The following LHB variants were observed in gnomAD, a reference collection of about 807,000 sequenced individuals.
LHB encodes luteinizing hormone subunit beta, also known as lutropin subunit beta.
LHB carries 11 observed loss-of-function variants against 10.6 expected under a neutral mutation model. That is an observed-to-expected ratio of 1.04 (90% CI 0.66 to 1.72). LHB has a LOEUF of 1.72. Ranked by LOEUF, LHB falls within the 40% of genes most tolerant of loss-of-function variation. The pLI, the probability that LHB is intolerant of heterozygous loss-of-function variation, is 0.00. For missense variants in LHB, 184 were observed against 197.3 expected, an observed-to-expected ratio of 0.93 and a Z score of 0.41; for synonymous variants, 86 against 83.1, an observed-to-expected ratio of 1.03 and a Z score of -0.19.
upstream of LHB, chr19:49,017,578 T>A (rs959982912): frequency 3.3e-5 from 36 of 1,090,048 alleles, 1 homozygote; most frequent in Admixed American, 1.3e-3. Context: ...GGGAAGCCAC[T>A]TGACCCAGAT....
chr19:49,016,693 G>GCAGCAGCAA lies in LHB; in HGVS notation c.28_36dup (p.Leu11_Leu13dup). The stretch of plus-strand genomic sequence containing the variant: ...GATGCCCATGCCCCGCCCATGCTCA[G>GCAGCAGCAA]CAGCAGCAACAGCAGCAGCCCCTGG... On this transcript the variant is annotated inframe_insertion, in exon 2 of 3. Coordinates refer to ENST00000649238, the MANE Select transcript of LHB (RefSeq NM_000894.3). 1 of 1,611,618 alleles carries GCAGCAGCAA rather than the reference G, an allele frequency of 6.2e-7. No homozygotes were observed. The highest frequency in any genetic ancestry group is 2.2e-5 in the East Asian group (1 of 44,888).
Position 49,015,986 on chromosome 19 carries a change from T to C in LHB, c.*82A>G, listed in dbSNP as rs757275035. ...CAGAAAGACACCTCCAGAGTGCGGA[T>C]TGAGAAGCCTTTATTGTGGGAGGAT... On this transcript the variant is annotated 3_prime_UTR_variant, in exon 3 of 3. Transcript: ENST00000649238. 4 of 1,614,190 alleles carry C rather than the reference T, an allele frequency of 2.5e-6. No homozygotes were observed. The highest frequency in any genetic ancestry group is 2.2e-5 in the South Asian group (2 of 91,092).
In LHB at chr19:49,016,114, G is replaced by T. The variant is rs2039546039; in HGVS notation, c.380C>A (p.Pro127His). ...GAGTTGGGGGTGGTCACAGGTCAAGGGGTGGTCTTTGGGACCCCCACAGTC... is the reference window on the plus strand; with the variant it reads ...GAGTTGGGGGTGGTCACAGGTCAAGTGGTGGTCTTTGGGACCCCCACAGTC... ...TSDCGGPKDHPLTCDHPQLSG... is the reference protein window; with the variant it reads ...TSDCGGPKDHHLTCDHPQLSG... The change falls in exon 3 of 3, where the codon CCC (proline) becomes CAC (histidine). Residue 127 changes from proline (P) to histidine (H), a missense_variant. Physicochemically the swap from Pro to His is moderately conservative, Grantham distance 77 (BLOSUM62 -2). Coordinates refer to ENST00000649238, the MANE Select transcript of LHB (RefSeq NM_000894.3). The T allele has an allele frequency of 2.5e-6, 4 of 1,612,900 alleles. No individual in the cohort carries two copies. The highest frequency in any genetic ancestry group is 1.3e-5 in the African/African-American group (1 of 74,888).
Position 49,016,176 on chromosome 19 carries a change from G to A in LHB, c.318C>T (p.Leu106=), listed in dbSNP as rs770539036. 4 of 1,612,678 alleles carry A rather than the reference G, an allele frequency of 2.5e-6. No individual in the cohort carries two copies. The South Asian group carries it at 4.4e-5, about 18-fold the overall frequency. ...GGCGGCAGGGTCCACAGCGACAGCT[G>A]AGAGCCACAGGGAAGGAGACCACGG... ...VDPVVSFPVA[L]SCRCGPCRRS... is the part of the protein sequence containing the mutation. The change falls in exon 3 of 3, where the codon CTC becomes CTT. Residue 106 remains leucine, a synonymous_variant. Transcript: ENST00000649238.
intron 2 of LHB, 95 bp downstream of exon 2, chr19:49,016,452 G>C (rs1485188936): frequency 3.7e-6 from 6 of 1,601,722 alleles, no homozygotes; most frequent in East Asian, 2.2e-5. Context: ...TTCCCCAACC[G>C]CAGGCCAGAG....
chr19:49,017,249 C>G (rs2122678313), upstream of LHB, among the ~76,000 whole-genome samples: 1 of 152,254 alleles, frequency 6.6e-6, no homozygotes, highest in East Asian at 1.9e-4. Context: ...GCAGAGCGCC[C>G]CAGCCCTCTC....
chr19:49,019,464 T>C (rs1313647747), upstream of LHB: 48 of 1,250,276 alleles, frequency 3.8e-5, no homozygotes, highest in Admixed American at 7.8e-5. Flanking sequence ...GCCCTGAAGG[T>C]GAGTTTGTAG....
Position 49,016,278 on chromosome 19 carries a change from CAG to C in LHB, c.214_215del (p.Leu72AlafsTer9), listed in dbSNP as rs781151205. Reference sequence around the variant, plus strand: ...CACGGTAGGTGCACACCACCTGAGGCAGGGGCGGCAGGACCGCCTGCAGCACG... The same window carrying C: ...CACGGTAGGTGCACACCACCTGAGGCGGGCGGCAGGACCGCCTGCAGCACG... ...MRVLQAVLPP[L>X]PQVVCTYRDV... On this transcript the variant is annotated frameshift_variant, in exon 3 of 3. Transcript: ENST00000649238. LOFTEE classifies it high-confidence loss of function. 1 of 1,611,900 alleles carries C rather than the reference CAG, an allele frequency of 6.2e-7. No homozygotes were observed. The highest frequency in any genetic ancestry group is 1.1e-5 in the South Asian group (1 of 91,000).
In LHB at chr19:49,016,780, C is replaced by T. The variant is rs568998004; in HGVS notation, c.16-66G>A. ...GCCCCGAGTCCTGGCCTTCCCATCC[C>T]GCGTGGTACACCACCCACAAAGACC... On this transcript the variant is annotated intron_variant, in intron 1 of 2. Transcript: ENST00000649238. The T allele has an allele frequency of 6.8e-3, 10,960 of 1,602,732 alleles. 65 individuals carry two copies. Among genetic ancestry groups the T allele is most frequent in the Middle Eastern group, 0.013 (58 of 4,440 alleles).
upstream of LHB, chr19:49,017,926 C>G (rs2039586233): frequency 2.5e-6 from 1 of 398,362 alleles, no homozygotes; most frequent in Admixed American, 4.4e-5. Flanking sequence ...CTCGGCAGCG[C>G]GGCCCTGGGG....
chr19:49,018,973 C>CGG, upstream of LHB: 4 of 1,533,664 alleles, frequency 2.6e-6, no homozygotes, highest in Non-Finnish European at 3.5e-6. Flanking sequence ...CCAGACAGCT[C>CGG]GGGGTTCTTC....
chr19:49,015,993 G>T lies in LHB; in HGVS notation c.*75C>A. On this transcript the variant is annotated 3_prime_UTR_variant, in exon 3 of 3. Transcript: ENST00000649238. ...ACACCTCCAGAGTGCGGATTGAGAAGCCTTTATTGTGGGAGGATCGGGGTG... is the reference window on the plus strand; with the variant it reads ...ACACCTCCAGAGTGCGGATTGAGAATCCTTTATTGTGGGAGGATCGGGGTG... 6.8e-6 allele frequency: 11 copies of T among 1,614,232 alleles called. No individual in the cohort carries two copies. Among genetic ancestry groups the T allele is most frequent in the Non-Finnish European group, 9.3e-6 (11 of 1,180,048 alleles).
chr19:49,019,487 C>A, upstream of LHB: 3 of 1,204,592 alleles, frequency 2.5e-6, no homozygotes, highest in Non-Finnish European at 3.1e-6. Flanking sequence ...CCTGGTCCTT[C>A]TGGCCTGGCC....
rs1326074137 is a variant in LHB, at chr19:49,016,230, C to A, written c.264G>T (p.Arg88=). The change falls in exon 3 of 3, where the codon CGG becomes CGT. Residue 88 remains arginine, a synonymous_variant. Coordinates refer to ENST00000649238, the MANE Select transcript of LHB (RefSeq NM_000894.3). ...CCACACCACGCGGGCAGCCAGGGAG[C>A]CGGATGGACTCGAAGCGCACATCAC... ...TYRDVRFESI[R]LPGCPRGVDP... 3 of 1,612,388 alleles carry A rather than the reference C, an allele frequency of 1.9e-6. No homozygotes were observed. The highest frequency in any genetic ancestry group is 2.7e-5 in the African/African-American group (2 of 74,882).
At chr19:49,018,649 C>CA (rs1261230920), upstream of LHB, among the ~76,000 whole-genome samples, 1 of 152,056 alleles carries the variant, frequency 6.6e-6, no homozygotes, top group Non-Finnish European at 1.5e-5. Flanking sequence ...AGCCGCTGTG[C>CA]AGGCTTCCTG....
At chr19:49,017,006 T>G in intron 1 of LHB, 61 bp downstream of exon 1, 1 of 1,612,896 alleles carries the variant, frequency 6.2e-7, no homozygotes, top group Non-Finnish European at 8.5e-7. Flanking sequence ...GGTCTGCCCC[T>G]TCTCATGCCA....
chr19:49,019,189 A>G, upstream of LHB: 1 of 1,407,268 alleles, frequency 7.1e-7, no homozygotes, highest in South Asian at 1.6e-5. Flanking sequence ...TTCCTTTCTC[A>G]TACCCGAACC....
Position 49,016,200 on chromosome 19 carries a change from G to C in LHB, c.294C>G (p.Pro98=). 2 of 1,612,686 alleles carry C rather than the reference G, an allele frequency of 1.2e-6. No homozygotes were observed. Among genetic ancestry groups the C allele is most frequent in the South Asian group, 1.1e-5 (1 of 91,016 alleles). Residue 98 remains proline, a synonymous_variant, in exon 3 of 3, where the codon CCC becomes CCG. Transcript: ENST00000649238. ...RLPGCPRGVD[P]VVSFPVALSC... ...TGAGAGCCACAGGGAAGGAGACCAC[G>C]GGGTCCACACCACGCGGGCAGCCAG...
At position 49,016,133 on chromosome 19, in the gene LHB, C is replaced by A; in HGVS notation, c.361G>T (p.Gly121Trp). ...GTCAAGGGGTGGTCTTTGGGACCCC[C>A]ACAGTCAGAGGTGCTGCGGCGGCAG... ...GPCRRSTSDC[G>W]GPKDHPLTCD... Residue 121 changes from glycine to tryptophan, a missense_variant, in exon 3 of 3, where the codon GGG becomes TGG. Transcript: ENST00000649238. The A allele has an allele frequency of 1.2e-6, 2 of 1,612,918 alleles. No homozygotes were observed. The highest frequency in any genetic ancestry group is 1.7e-6 in the Non-Finnish European group (2 of 1,180,032).
Sources: gnomAD v4.1 joint callset for allele counts (sites outside exome capture counted in the v4.1 genomes callset) on GRCh38, gnomAD v4.1.1 for gene constraint, MANE v1.5 for transcripts, NCBI Gene and HGNC (gene_info 2026-07-23, HGNC 2026-07-21) for gene names.